Variants in SDK1 observed in about 807,000 individuals in gnomAD.
SDK1 encodes protein sidekick-1.
SDK1 carries 157 observed loss-of-function variants against 245.5 expected under a neutral mutation model. The observed-to-expected ratio is 0.64, with a 90% CI of 0.56 to 0.73. The LOEUF (loss-of-function observed/expected upper bound fraction) is 0.73. Ranked by LOEUF, SDK1 falls within the 30% of genes least tolerant of loss-of-function variation. The pLI, the probability that SDK1 is intolerant of heterozygous loss-of-function variation, is 0.00. For missense variants in SDK1, 3,583 were observed against 3,002.3 expected (o/e 1.19, Z -4.52); for synonymous variants, 1,647 against 1,278.5 (o/e 1.29, Z -6.15).
intron 1 of SDK1, among the ~76,000 whole-genome samples, chr7:3,491,244 T>A (rs1781855260): frequency 6.6e-6 from 1 of 152,246 alleles, no homozygotes; most frequent in African/African-American, 2.4e-5. Flanking sequence ...CATCGTTCCT[T>A]AAGCACCTGT....
chr7:4,123,775 G>A (rs1784214843), intron 25 of SDK1, among the ~76,000 whole-genome samples: 1 of 149,576 alleles, frequency 6.7e-6, no homozygotes, highest in Non-Finnish European at 1.5e-5. Context: ...GGCATCACTG[G>A]GGGTTTTCTA....
intron 20 of SDK1, among the ~76,000 whole-genome samples, chr7:4,068,649 TCTC>T (rs1237285867): frequency 6.6e-6 from 1 of 151,810 alleles, no homozygotes; most frequent in African/African-American, 2.4e-5. Context: ...GGCAGTGAGA[TCTC>T]CTCTCCTGGT....
chr7:3,414,689 C>T (rs1197533074), intron 1 of SDK1, among the ~76,000 whole-genome samples: 1 of 152,174 alleles, frequency 6.6e-6, no homozygotes, highest in African/African-American at 2.4e-5. Flanking sequence ...ATCTTGACTG[C>T]AGAACATTTT....
intron 1 of SDK1, among the ~76,000 whole-genome samples, chr7:3,485,346 G>C (rs988264606): frequency 6.6e-6 from 1 of 152,076 alleles, no homozygotes; most frequent in South Asian, 2.1e-4. Context: ...TTAAAAATCA[G>C]ATTATTTGCT....
At chr7:3,312,337 T>A (rs1423855757) in intron 1 of SDK1, among the ~76,000 whole-genome samples, 2 of 152,062 alleles carry the variant, frequency 1.3e-5, no homozygotes, top group Non-Finnish European at 2.9e-5. Context: ...GAGCTTGCAA[T>A]ACAAAAATTG....
chr7:4,133,308 C>G (rs777712435), intron 28 of SDK1, among the ~76,000 whole-genome samples: 5 of 152,228 alleles, frequency 3.3e-5, no homozygotes, highest in Non-Finnish European at 7.3e-5. Context: ...ATCCCAGTTC[C>G]TTGACTCATT....
chr7:4,049,119 C>A (rs929491510), intron 17 of SDK1, among the ~76,000 whole-genome samples: 3 of 152,234 alleles, frequency 2.0e-5, no homozygotes, highest in Non-Finnish European at 2.9e-5. Flanking sequence ...TCTGGTCCAC[C>A]TTTCTGCCTA....
At chr7:3,313,856 C>G (rs1048184663) in intron 1 of SDK1, among the ~76,000 whole-genome samples, 2 of 152,146 alleles carry the variant, frequency 1.3e-5, no homozygotes, top group Non-Finnish European at 2.9e-5. Flanking sequence ...ATAATTAGCT[C>G]TATTTAGCCA....
intron 1 of SDK1, among the ~76,000 whole-genome samples, chr7:3,520,002 G>A (rs1468011121): frequency 6.6e-6 from 1 of 152,180 alleles, no homozygotes. Flanking sequence ...CTATTTTACA[G>A]TGCTTTTTCA....
chr7:3,730,893 C>T (rs1779157145), intron 4 of SDK1, among the ~76,000 whole-genome samples: 1 of 152,054 alleles, frequency 6.6e-6, no homozygotes, highest in Non-Finnish European at 1.5e-5. Flanking sequence ...TGCATCTTTG[C>T]CATCAGTCTT....
intron 14 of SDK1, among the ~76,000 whole-genome samples, chr7:3,992,974 A>G (rs915620123): frequency 1.3e-5 from 2 of 152,220 alleles, no homozygotes; most frequent in Non-Finnish European, 2.9e-5. Flanking sequence ...TTTTTGCACT[A>G]TCAATATGTT....
chr7:4,183,636 G>A (rs1269190286), intron 35 of SDK1, among the ~76,000 whole-genome samples: 4 of 126,876 alleles, frequency 3.2e-5, no homozygotes, highest in South Asian at 2.7e-4. Context: ...GCAAGACTCC[G>A]TCTCAAAAAA....
At chr7:3,717,241 A>T (rs1268835478) in intron 4 of SDK1, among the ~76,000 whole-genome samples, 2 of 152,236 alleles carry the variant, frequency 1.3e-5, no homozygotes, top group Non-Finnish European at 2.9e-5. Context: ...AGAAATGCAT[A>T]GTATGTTCTG....
rs1583679045 is a variant in SDK1 at position 3,971,476 on chromosome 7, C to T, written c.1725C>T (p.Ser575=). ...TTGTGTTTTTTTCAGATCGGACGTCCATCGTCCACCCTCCTGAGGACCACG... is the reference window on the plus strand; with the variant it reads ...TTGTGTTTTTTTCAGATCGGACGTCTATCGTCCACCCTCCTGAGGACCACG... The part of the protein sequence containing the change: ...SATLTVWNRT[S]IVHPPEDHVV... Residue 575 remains serine, a synonymous_variant, in exon 12 of 45, where the codon TCC becomes TCT. Coordinates refer to ENST00000404826, the MANE Select transcript of SDK1 (RefSeq NM_152744.4). 1 of 1,611,760 alleles carries T rather than the reference C, an allele frequency of 6.2e-7. No individual in the cohort carries two copies. Among genetic ancestry groups the T allele is most frequent in the Non-Finnish European group, 8.5e-7 (1 of 1,178,282 alleles).
At chr7:3,675,928 G>A (rs557735701) in intron 4 of SDK1, among the ~76,000 whole-genome samples, 1 of 152,100 alleles carries the variant, frequency 6.6e-6, no homozygotes, top group African/African-American at 2.4e-5. Flanking sequence ...TTCCTTATAT[G>A]TTCTGAATAT....
chr7:3,366,668 G>A (rs1231453895), intron 1 of SDK1, among the ~76,000 whole-genome samples: 6 of 152,048 alleles, frequency 3.9e-5, no homozygotes, highest in Admixed American at 3.9e-4. Flanking sequence ...AAAGACTTTT[G>A]TCTTTTTGTC....
At chr7:4,188,901 G>T (rs758447266) in intron 35 of SDK1, among the ~76,000 whole-genome samples, 6 of 152,166 alleles carry the variant, frequency 3.9e-5, no homozygotes, top group Non-Finnish European at 1.5e-5. Context: ...TCGTTCCACA[G>T]ACATCTTTAC....
At chr7:4,218,379 C>T (rs1215515401) in intron 38 of SDK1, among the ~76,000 whole-genome samples, 1 of 150,756 alleles carries the variant, frequency 6.6e-6, no homozygotes, top group Non-Finnish European at 1.5e-5. Context: ...GATGACAGAG[C>T]GAGACTCCGT....
chr7:4,203,974 G>A (rs1346269757), intron 35 of SDK1, among the ~76,000 whole-genome samples: 2 of 152,244 alleles, frequency 1.3e-5, no homozygotes, highest in East Asian at 3.9e-4. Context: ...GGGGCATGCG[G>A]GCCCCTAATT....
Sources: gnomAD v4.1 joint callset for allele counts (sites outside exome capture counted in the v4.1 genomes callset) on GRCh38, gnomAD v4.1.1 for gene constraint, MANE v1.5 for transcripts, NCBI Gene and HGNC (gene_info 2026-07-23, HGNC 2026-07-21) for gene names.